The following GRM7 variants were observed in gnomAD, a reference collection of about 807,000 sequenced individuals.
GRM7 encodes the protein glutamate metabotropic receptor 7.
In GRM7, 35 loss-of-function variants were observed where a neutral mutation model predicts 84.5. The observed-to-expected ratio is 0.41, with a 90% CI of 0.32 to 0.55. The LOEUF (loss-of-function observed/expected upper bound fraction) is 0.55, where lower values mean the gene tolerates loss of function less well. Among genes scored for constraint, GRM7 ranks in the 20% least tolerant of loss-of-function variants. The pLI, the probability that GRM7 is intolerant of heterozygous loss-of-function variation, is 0.19. For missense variants in GRM7, 1,003 were observed against 1,194.6 expected (o/e 0.84, Z 2.36); for synonymous variants, 487 against 455.1 (o/e 1.07, Z -0.89).
At chr3:7,596,411 AGGAAACCT>A (rs1299833813) in intron 8 of GRM7, among the ~76,000 whole-genome samples, 1 of 152,208 alleles carries the variant, frequency 6.6e-6, no homozygotes, top group Admixed American at 6.5e-5. Flanking sequence ...CAAATGATAC[AGGAAACCT>A]GGAGACTAGA....
At chr3:7,685,157 T>C (rs930686295) in intron 9 of GRM7, among the ~76,000 whole-genome samples, 1 of 152,198 alleles carries the variant, frequency 6.6e-6, no homozygotes, top group Non-Finnish European at 1.5e-5. Context: ...CTTTTCAAGT[T>C]GGATGGATAA....
At chr3:7,575,406 T>G (rs933306475) in intron 7 of GRM7, among the ~76,000 whole-genome samples, 2 of 152,104 alleles carry the variant, frequency 1.3e-5, no homozygotes, top group African/African-American at 4.8e-5. Flanking sequence ...AGGAGAAACT[T>G]GAAATTTACA....
intron 2 of GRM7, among the ~76,000 whole-genome samples, chr3:7,249,315 G>A (rs1025408275): frequency 6.6e-6 from 1 of 152,050 alleles, no homozygotes; most frequent in African/African-American, 2.4e-5. Flanking sequence ...ATACGTAAAT[G>A]CTAGTGTACC....
intron 1 of GRM7, among the ~76,000 whole-genome samples, chr3:7,144,305 T>C (rs1320237837): frequency 6.6e-6 from 1 of 152,204 alleles, no homozygotes; most frequent in Non-Finnish European, 1.5e-5. Flanking sequence ...TACTATAATA[T>C]AGTCTAATGT....
chr3:7,691,808 G>A (rs1700810763), intron 9 of GRM7, among the ~76,000 whole-genome samples: 1 of 152,008 alleles, frequency 6.6e-6, no homozygotes, highest in South Asian at 2.1e-4. Flanking sequence ...TTACAGGCAT[G>A]TGCCACCATG....
At position 7,203,877 on chromosome 3, in the gene GRM7, A is replaced by G. The variant is rs542849609; in HGVS notation, c.736+57209A>G. On this transcript the variant is annotated intron_variant, in intron 2 of 9. Coordinates refer to ENST00000357716, the MANE Select transcript of GRM7 (RefSeq NM_000844.4). ...TACAAATTTAGATATTTGATGTTAG[A>G]TTGATTCCAGGCTAACCAGGAAAGA... Among the ~76,000 whole-genome samples, 8 of 152,290 alleles carry G rather than the reference A, an allele frequency of 5.3e-5. No individual in the cohort carries two copies. The South Asian group carries it at 1.7e-3, about 32-fold the overall frequency.
chr3:7,419,767 T>G (rs1696320398), intron 5 of GRM7, among the ~76,000 whole-genome samples: 1 of 152,192 alleles, frequency 6.6e-6, no homozygotes, highest in Non-Finnish European at 1.5e-5. Context: ...CATTTACAAA[T>G]CCATCATCTG....
intron 8 of GRM7, among the ~76,000 whole-genome samples, chr3:7,669,834 T>C (rs1699849687): frequency 6.6e-6 from 1 of 152,214 alleles, no homozygotes; most frequent in African/African-American, 2.4e-5. Context: ...AGGATGGGCA[T>C]CATTTTCCTG....
intron 1 of GRM7, among the ~76,000 whole-genome samples, chr3:6,981,517 A>G (rs1694198726): frequency 6.6e-6 from 1 of 152,204 alleles, no homozygotes; most frequent in South Asian, 2.1e-4. Context: ...TACCTTGAGC[A>G]CAAGACTTGT....
At chr3:7,135,726 AAAATAT>A (rs1253989107) in intron 1 of GRM7, among the ~76,000 whole-genome samples, 1 of 152,158 alleles carries the variant, frequency 6.6e-6, no homozygotes, top group African/African-American at 2.4e-5. Flanking sequence ...TATAGAGAAA[AAAATAT>A]AATATACAGA....
chr3:7,037,970 T>C (rs569140030), intron 1 of GRM7, among the ~76,000 whole-genome samples: 1 of 152,330 alleles, frequency 6.6e-6, no homozygotes, highest in East Asian at 1.9e-4. Context: ...AATAGTCTAA[T>C]TGCTTGCCAT....
At position 7,128,508 on chromosome 3, in the gene GRM7, GTT is replaced by G. The variant is rs1337942490; in HGVS notation, c.520-17928_520-17927del. On this transcript the variant is annotated intron_variant, in intron 1 of 9. Coordinates refer to ENST00000357716, the MANE Select transcript of GRM7 (RefSeq NM_000844.4). ...AAAATTTTAAAAATCAGACTTCCTT[GTT>G]TTTTTTTTTTTTTTTGAGATGGAGT... Among the ~76,000 whole-genome samples the G allele has an allele frequency of 3.2e-4, 24 of 74,908 alleles. 3 individuals are homozygous for G. In the East Asian group the frequency reaches 4.1e-3, roughly 13 times the overall value. The allele number at this position is 74,908 out of a possible 152,430, so 49.1% of individuals were successfully genotyped here. A position where few individuals can be genotyped will look rare whatever the true frequency, so the allele number is the denominator to read the frequency against.
chr3:7,498,727 T>G (rs568099911), intron 7 of GRM7, among the ~76,000 whole-genome samples: 1 of 152,200 alleles, frequency 6.6e-6, no homozygotes, highest in Non-Finnish European at 1.5e-5. Flanking sequence ...CATCGCCTAG[T>G]TCAGTGGTTT....
At chr3:7,187,613 C>A (rs142934614) in intron 2 of GRM7, among the ~76,000 whole-genome samples, 161 of 150,190 alleles carry the variant, frequency 1.1e-3, no homozygotes, top group African/African-American at 3.8e-3. Flanking sequence ...GCAGGGCTAC[C>A]CCATAGACAG....
At chr3:7,420,902 AT>A (rs1377855639) in intron 5 of GRM7, among the ~76,000 whole-genome samples, 1 of 152,194 alleles carries the variant, frequency 6.6e-6, no homozygotes, top group Non-Finnish European at 1.5e-5. Context: ...TTAATATAGG[AT>A]TCTTCAAGTT....
intron 2 of GRM7, among the ~76,000 whole-genome samples, chr3:7,209,295 C>T (rs1696343533): frequency 6.6e-6 from 1 of 152,156 alleles, no homozygotes; most frequent in Admixed American, 6.5e-5. Flanking sequence ...AACTTGAATA[C>T]TGTTTGAACT....
intron 2 of GRM7, among the ~76,000 whole-genome samples, chr3:7,241,628 G>A (rs1307553809): frequency 6.6e-6 from 1 of 151,976 alleles, no homozygotes; most frequent in African/African-American, 2.4e-5. Flanking sequence ...CTACCTGCTT[G>A]GGTGAGCTGA....
chr3:6,955,329 A>C (rs1329602642), intron 1 of GRM7, among the ~76,000 whole-genome samples: 1 of 152,110 alleles, frequency 6.6e-6, no homozygotes, highest in Non-Finnish European at 1.5e-5. Flanking sequence ...TGAGACCAGG[A>C]GCTCCAGACC....
At chr3:7,216,095 GCT>G (rs1259695451) in intron 2 of GRM7, among the ~76,000 whole-genome samples, 1 of 152,028 alleles carries the variant, frequency 6.6e-6, no homozygotes, top group African/African-American at 2.4e-5. Flanking sequence ...TTATTTTCCA[GCT>G]CTGATTCTAT....
Sources: gnomAD v4.1 joint callset for allele counts (sites outside exome capture counted in the v4.1 genomes callset) on GRCh38, gnomAD v4.1.1 for gene constraint, MANE v1.5 for transcripts, NCBI Gene and HGNC (gene_info 2026-07-23, HGNC 2026-07-21) for gene names.